ATP6V1G3: variants seen among roughly 807,000 people sequenced by gnomAD.
The protein encoded by ATP6V1G3 is V-type proton ATPase subunit G 3.
A neutral mutation model predicts 9.3 loss-of-function variants in ATP6V1G3; 9 were observed. The observed-to-expected ratio is 0.97, with a 90% CI of 0.59 to 1.69. The LOEUF is 1.69. Ranked by LOEUF, ATP6V1G3 falls within the 40% of genes most tolerant of loss-of-function variation. The probability of loss-of-function intolerance (pLI) is 0.00; values close to 1 mark genes in which losing one functional copy is unlikely to be tolerated. For synonymous variants in ATP6V1G3, 43 were observed against 43.8 expected (o/e 0.98, Z 0.07); for missense variants, 133 against 139.0 (o/e 0.96, Z 0.22).
chr1:198,537,079 A>C (rs58035935), intron 1 of ATP6V1G3, among the ~76,000 whole-genome samples: 14,715 of 151,766 alleles, frequency 0.097, 982 homozygotes, highest in African/African-American at 0.19. Context: ...ATTCCTGCCC[A>C]TGTCCCTGTC....
At chr1:198,537,388 C>G (rs941701009) in intron 1 of ATP6V1G3, among the ~76,000 whole-genome samples, 1 of 152,136 alleles carries the variant, frequency 6.6e-6, no homozygotes, top group Non-Finnish European at 1.5e-5. Flanking sequence ...TGTTTTCTTT[C>G]TCTTTCCCTC....
chr1:198,533,439 A>C (rs1558180290), intron 1 of ATP6V1G3, among the ~76,000 whole-genome samples: 1 of 152,160 alleles, frequency 6.6e-6, no homozygotes, highest in Non-Finnish European at 1.5e-5. Flanking sequence ...GGAAATGGTA[A>C]AGTAGTAGTG....
chr1:198,539,296 C>T (rs1251418789), intron 1 of ATP6V1G3, among the ~76,000 whole-genome samples: 1 of 152,160 alleles, frequency 6.6e-6, no homozygotes, highest in Non-Finnish European at 1.5e-5. Context: ...TCATTCATTA[C>T]GTTTAAATAA....
intron 1 of ATP6V1G3, among the ~76,000 whole-genome samples, chr1:198,531,870 G>T (rs55794522): frequency 0.051 from 7,690 of 151,954 alleles, 279 homozygotes; most frequent in Middle Eastern, 0.071. Context: ...AGAAAAAAAT[G>T]TATATAAAAT....
At chr1:198,536,789 A>G in intron 1 of ATP6V1G3, 1 of 1,262,920 alleles carries the variant, frequency 7.9e-7, no homozygotes, top group Non-Finnish European at 1.1e-6. Flanking sequence ...TTCTATCATT[A>G]TTACTTACAG....
intron 1 of ATP6V1G3, chr1:198,536,732 C>G: frequency 6.2e-7 from 1 of 1,600,522 alleles, no homozygotes; most frequent in Non-Finnish European, 8.6e-7. Context: ...GAACTTACAG[C>G]AGGGGTAAAA....
intron 1 of ATP6V1G3, among the ~76,000 whole-genome samples, chr1:198,540,240 A>G (rs1036372571): frequency 3.9e-4 from 60 of 152,320 alleles, no homozygotes; most frequent in Middle Eastern, 3.4e-3. Flanking sequence ...TTTACTCACT[A>G]ATAAGTAGAT....
chr1:198,523,264 T>C lies in ATP6V1G3; in HGVS notation c.*127A>G, dbSNP rs1659513477. ...TAATTCAGTGCCGATGTATGAGTTA[T>C]GTCACATTTCCTGTAAATGTAAATT... On this transcript the variant is annotated 3_prime_UTR_variant, in exon 3 of 3. Transcript: ENST00000367382. 1.1e-6 allele frequency: 1 copy of C among 906,968 alleles called. No individual in the cohort carries two copies. The highest frequency in any genetic ancestry group is 1.7e-6 in the Non-Finnish European group (1 of 595,270). 56.2% of individuals were successfully genotyped at this position (906,968 alleles called of 1,614,324 possible). A position where few individuals can be genotyped will look rare whatever the true frequency, so the allele number is the denominator to read the frequency against.
At chr1:198,536,588 GC>G (rs1660121016) in intron 1 of ATP6V1G3, 13 of 1,105,500 alleles carry the variant, frequency 1.2e-5, no homozygotes, top group Admixed American at 2.2e-5. Context: ...AGGCAGTTTT[GC>G]ACATAAAAAT....
At position 198,540,674 on chromosome 1, in the gene ATP6V1G3, C is replaced by T; in HGVS notation, c.-24G>A. 1 of 1,604,690 alleles carries T rather than the reference C, an allele frequency of 6.2e-7. No homozygotes were observed. The highest frequency in any genetic ancestry group is 1.7e-4 in the Middle Eastern group (1 of 6,040). ...ATGGTAGTCTGCTCCAAGCAAGTGG[C>T]TTCTGTGAAATCTGGGAAGTAATGG... On this transcript the variant is annotated 5_prime_UTR_variant, in exon 1 of 3. Transcript: ENST00000367382.
chr1:198,527,942 A>G (rs1659724973), intron 2 of ATP6V1G3, among the ~76,000 whole-genome samples: 1 of 152,182 alleles, frequency 6.6e-6, no homozygotes, highest in African/African-American at 2.4e-5. Flanking sequence ...AGATGAATAT[A>G]TCTAAAGAAA....
Position 198,540,608 on chromosome 1 carries a change from C to A in ATP6V1G3, c.43G>T (p.Glu15Ter). 1 of 1,614,106 alleles carries A rather than the reference C, an allele frequency of 6.2e-7. No individual in the cohort carries two copies. The highest frequency in any genetic ancestry group is 8.5e-7 in the Non-Finnish European group (1 of 1,179,974). Residue 15 changes from glutamate to a stop codon, truncating the protein, a stop_gained, in exon 1 of 3, where the codon GAA (glutamate) becomes TAA (stop). Coordinates refer to ENST00000367382, the MANE Select transcript of ATP6V1G3 (RefSeq NM_001376861.1). LOFTEE classifies it high-confidence loss of function. ...SQGIHQLLQA[E>*]KRAKDKLEEA... ...TCTAGCTTGTCCTTGGCCCGTTTTTCTGCCTGAAGAAGCTGGTGGATCCCC... is the reference window on the plus strand; with the variant it reads ...TCTAGCTTGTCCTTGGCCCGTTTTTATGCCTGAAGAAGCTGGTGGATCCCC...
chr1:198,535,527 C>CT (rs2103142071), intron 1 of ATP6V1G3, among the ~76,000 whole-genome samples: 1 of 151,670 alleles, frequency 6.6e-6, no homozygotes, highest in African/African-American at 2.4e-5. Flanking sequence ...GAAATATTTT[C>CT]TTAAGTATGT....
chr1:198,528,708 C>G (rs1475929546), intron 2 of ATP6V1G3, among the ~76,000 whole-genome samples: 1 of 151,914 alleles, frequency 6.6e-6, no homozygotes, highest in African/African-American at 2.4e-5. Flanking sequence ...ATGTAACTAA[C>G]CATATATATT....
intron 1 of ATP6V1G3, among the ~76,000 whole-genome samples, chr1:198,532,212 G>A (rs751212082): frequency 3.7e-4 from 57 of 152,250 alleles, no homozygotes; most frequent in South Asian, 1.7e-3. Flanking sequence ...AATCAAGGGA[G>A]AGTATACAGA....
intron 1 of ATP6V1G3, among the ~76,000 whole-genome samples, chr1:198,534,780 C>G (rs1332774365): frequency 6.6e-6 from 1 of 152,150 alleles, no homozygotes; most frequent in Non-Finnish European, 1.5e-5. Flanking sequence ...TTGATCTATT[C>G]TACCACTCAG....
Position 198,529,654 on chromosome 1 carries a change from C to A in ATP6V1G3, c.83-473G>T, listed in dbSNP as rs188626852. On this transcript the variant is annotated intron_variant, in intron 1 of 2. Transcript: ENST00000367382. The stretch of plus-strand genomic sequence containing the variant: ...CACTGGCAGATCTCCAAAATCACTA[C>A]AAACATGCAACTCAGACTCTATCAA... 9.3e-3 allele frequency among the ~76,000 whole-genome samples: 1,418 copies of A among 152,236 alleles called. 22 individuals carry two copies. The highest frequency in any genetic ancestry group is 0.013 in the Non-Finnish European group (865 of 68,008).
intron 2 of ATP6V1G3, 51 bp from the exon 3 acceptor site, chr1:198,523,615 A>G (rs144825776): frequency 5.8e-6 from 9 of 1,552,012 alleles, no homozygotes; most frequent in Admixed American, 1.8e-5. Flanking sequence ...TTGTTTTACA[A>G]GTTAAATTTG....
At chr1:198,536,874 CAT>C (rs374253774) in intron 1 of ATP6V1G3, 19 of 592,282 alleles carry the variant, frequency 3.2e-5, no homozygotes, top group African/African-American at 2.8e-4. Flanking sequence ...CTATCTTACA[CAT>C]ATTTTTCTGA....
Sources: gnomAD v4.1 joint callset for allele counts (sites outside exome capture counted in the v4.1 genomes callset) on GRCh38, gnomAD v4.1.1 for gene constraint, MANE v1.5 for transcripts, NCBI Gene and HGNC (gene_info 2026-07-23, HGNC 2026-07-21) for gene names.